LONRF3: variants seen among roughly 807,000 people sequenced by gnomAD.
The protein encoded by LONRF3 is LON peptidase N-terminal domain and ring finger 3.
In LONRF3, 19 loss-of-function variants were observed where a neutral mutation model predicts 51.7. The observed-to-expected ratio is 0.37, with a 90% CI of 0.26 to 0.54. The LOEUF (loss-of-function observed/expected upper bound fraction) is 0.54. LONRF3 is among the 20% of genes least tolerant of loss of function. The pLI, the probability that LONRF3 is intolerant of heterozygous loss-of-function variation, is 0.86. For synonymous variants in LONRF3, 265 were observed against 257.8 expected, an observed-to-expected ratio of 1.03 and a Z score of -0.27; for missense variants, 521 against 623.9, an observed-to-expected ratio of 0.84 and a Z score of 1.76.
chrX:119,002,491 A>G (rs781512405), intron 5 of LONRF3, among the ~76,000 whole-genome samples: 1 of 112,371 alleles, frequency 8.9e-6, no homozygotes, highest in African/African-American at 3.2e-5. Context: ...ATCCCATTAT[A>G]TGAATCCACC....
Position 118,989,447 on chromosome X carries a change from G to C in LONRF3, c.1099G>C (p.Ala367Pro), listed in dbSNP as rs1411943587. Residue 367 changes from alanine to proline, a missense_variant, in exon 4 of 11, where the codon GCA (alanine) becomes CCA (proline). Coordinates refer to ENST00000371628, the MANE Select transcript of LONRF3 (RefSeq NM_001031855.3). ...ELPHCSSQEE[A>P]AARGDGSSLM... The stretch of plus-strand genomic sequence containing the variant: ...CCCACATTGTTCTAGTCAGGAGGAA[G>C]CAGCAGCCAGGGGAGATGGCAGCAG... 1.7e-6 allele frequency: 2 copies of C among 1,208,925 alleles called. No homozygotes were observed. The highest frequency in any genetic ancestry group is 3.5e-5 in the African/African-American group (2 of 56,896).
intron 6 of LONRF3, among the ~76,000 whole-genome samples, chrX:119,007,368 C>T (rs1924807458): frequency 8.9e-6 from 1 of 111,899 alleles, no homozygotes; most frequent in Non-Finnish European, 1.9e-5. Flanking sequence ...TCAGGAGCCA[C>T]TGTACCTGGA....
In LONRF3 at chrX:118,982,918, A is replaced by G. The variant is rs1403102691; in HGVS notation, c.1034A>G (p.Lys345Arg). ...LYCVSLDGKN[K>R]RARCEAQRDN... ...TGTGTATCCCTTGATGGAAAGAACA[A>G]GAGAGCAAGATGTGAAGCCCAAAGA... The change falls in exon 3 of 11, where the codon AAG becomes AGG. Residue 345 changes from lysine (K) to arginine (R), a missense_variant. Physicochemically the swap from Lys to Arg is conservative, Grantham distance 26. This residue lies in a region of LONRF3 where 376 missense variants were observed against 376.7 expected (regional missense o/e 1.00). Coordinates refer to ENST00000371628, the MANE Select transcript of LONRF3 (RefSeq NM_001031855.3). 2 of 1,210,753 alleles carry G rather than the reference A, an allele frequency of 1.7e-6. No homozygotes were observed. Among genetic ancestry groups the G allele is most frequent in the Admixed American group, 2.2e-5 (1 of 45,986 alleles).
chrX:118,994,995 A>G (rs1233997754), intron 5 of LONRF3, among the ~76,000 whole-genome samples: 1 of 112,567 alleles, frequency 8.9e-6, no homozygotes, highest in Non-Finnish European at 1.9e-5. Context: ...TGGACTTAAC[A>G]GATACATACA....
At chrX:118,990,071 A>T (rs1004641938) in intron 4 of LONRF3, among the ~76,000 whole-genome samples, 2 of 111,760 alleles carry the variant, frequency 1.8e-5, no homozygotes, top group Non-Finnish European at 3.8e-5. Context: ...GTGTTCCCAT[A>T]GGTAGGCATG....
At chrX:118,993,741 T>C (rs1266847689) in intron 5 of LONRF3, among the ~76,000 whole-genome samples, 1 of 111,496 alleles carries the variant, frequency 9.0e-6, no homozygotes, top group Admixed American at 9.5e-5. Context: ...TTATCCAAAG[T>C]TAAGATGAAG....
intron 5 of LONRF3, among the ~76,000 whole-genome samples, chrX:118,997,408 T>G (rs1035903844): frequency 1.8e-5 from 2 of 112,223 alleles, no homozygotes; most frequent in African/African-American, 6.5e-5. Flanking sequence ...CTGGGATAAT[T>G]GGCTAGCCAC....
chrX:119,009,375 G>A (rs1023777993), intron 7 of LONRF3, 128 bp downstream of exon 7: 4 of 659,953 alleles, frequency 6.1e-6, no homozygotes, highest in Non-Finnish European at 8.8e-6. Context: ...TATGGTGAGA[G>A]TATTTACACC....
chrX:118,991,621 A>C, intron 5 of LONRF3, among the ~76,000 whole-genome samples: 1 of 112,049 alleles, frequency 8.9e-6, no homozygotes, highest in African/African-American at 3.2e-5. Context: ...ATTTTTTAAA[A>C]TTGCTTACAT....
In LONRF3 at chrX:118,975,080, G is replaced by T; in HGVS notation, c.300G>T (p.Val100=). The change falls in exon 1 of 11, where the codon GTG becomes GTT. Residue 100 remains valine, a synonymous_variant. Coordinates refer to ENST00000371628, the MANE Select transcript of LONRF3 (RefSeq NM_001031855.3). ...AGCTCTCCGAGCGGCAGCAGCTGGTGGCTGAGCAGCTGGAGCAGCTGGTGC... is the reference window on the plus strand; with the variant it reads ...AGCTCTCCGAGCGGCAGCAGCTGGTTGCTGAGCAGCTGGAGCAGCTGGTGC... The part of the protein sequence containing the change: ...YRQLSERQQL[V]AEQLEQLVRC... 1 of 1,174,347 alleles carries T rather than the reference G, an allele frequency of 8.5e-7. No homozygotes were observed. The highest frequency in any genetic ancestry group is 1.1e-6 in the Non-Finnish European group (1 of 877,166).
chrX:119,003,382 A>C (rs752786147), intron 5 of LONRF3, among the ~76,000 whole-genome samples: 49 of 111,476 alleles, frequency 4.4e-4, no homozygotes, highest in South Asian at 7.6e-4. Flanking sequence ...TTTACAGCCC[A>C]CATGGAATTG....
At chrX:118,982,579 G>T (rs946625098) in intron 2 of LONRF3, among the ~76,000 whole-genome samples, 2 of 111,816 alleles carry the variant, frequency 1.8e-5, no homozygotes, top group African/African-American at 6.5e-5. Context: ...GTCAGTCCCA[G>T]GTTCAAACCC....
At chrX:118,993,280 C>G (rs1222516354) in intron 5 of LONRF3, among the ~76,000 whole-genome samples, 5 of 111,298 alleles carry the variant, frequency 4.5e-5, no homozygotes, top group Non-Finnish European at 9.4e-5. Flanking sequence ...AAAACTGGCA[C>G]AAGAAGTGAA....
intron 5 of LONRF3, among the ~76,000 whole-genome samples, chrX:118,993,960 G>GA (rs1300673207): frequency 5.4e-5 from 6 of 111,999 alleles, no homozygotes. Context: ...GACATTTTCA[G>GA]ACAAACAAAT....
chrX:118,987,204 G>C lies in LONRF3; in HGVS notation c.1060-2204G>C, dbSNP rs1029890076. On this transcript the variant is annotated intron_variant, in intron 3 of 10. Coordinates refer to ENST00000371628, the MANE Select transcript of LONRF3 (RefSeq NM_001031855.3). ...AGAAAGAAGAAATTGAGTCACTAGTGGTTCTGTTCTTTGCAAAGAACCTCT... is the reference window on the plus strand; with the variant it reads ...AGAAAGAAGAAATTGAGTCACTAGTCGTTCTGTTCTTTGCAAAGAACCTCT... 3 of 506,527 alleles carry C rather than the reference G, an allele frequency of 5.9e-6. No homozygotes were observed. In the African/African-American group the frequency reaches 7.2e-5, roughly 12 times the overall value. 41.7% of individuals were successfully genotyped at this position (506,527 alleles called of 1,213,427 possible).
At chrX:118,990,183 T>A (rs1923319051) in intron 4 of LONRF3, among the ~76,000 whole-genome samples, 2 of 112,335 alleles carry the variant, frequency 1.8e-5, no homozygotes, top group Non-Finnish European at 3.8e-5. Context: ...TGAGTTGCTG[T>A]AGCTTCTGCT....
At chrX:119,014,567 AG>A (rs780758269) in intron 10 of LONRF3, among the ~76,000 whole-genome samples, 2 of 111,762 alleles carry the variant, frequency 1.8e-5, no homozygotes, top group East Asian at 5.6e-4. Context: ...GTAAAGCAGT[AG>A]GAACTTGGAT....
Position 118,974,625 on chromosome X carries a change from G to A in LONRF3, c.-156G>A, listed in dbSNP as rs1482548182. ...TGCTGAGACAAGACAGTTATTAGGC[G>A]GCGCGGGGCGGCCGGCATGGAGCTC... On this transcript the variant is annotated 5_prime_UTR_variant, in exon 1 of 11. Coordinates refer to ENST00000371628, the MANE Select transcript of LONRF3 (RefSeq NM_001031855.3). 1 of 457,766 alleles carries A rather than the reference G, an allele frequency of 2.2e-6. No homozygotes were observed. Among genetic ancestry groups the A allele is most frequent in the African/African-American group, 2.5e-5 (1 of 40,260 alleles). The allele number at this position is 457,766 out of a possible 1,213,427, so 37.7% of individuals were successfully genotyped here. A position where few individuals can be genotyped will look rare whatever the true frequency, so the allele number is the denominator to read the frequency against.
intron 1 of LONRF3, 136 bp downstream of exon 1, chrX:118,975,733 TGGGGGA>T: frequency 1.5e-4 from 7 of 45,738 alleles, no homozygotes; most frequent in Middle Eastern, 7.6e-3. Context: ...TGTGGCGGGG[TGGGGGA>T]GGGGTGATTC....
Sources: gnomAD v4.1 joint callset for allele counts (sites outside exome capture counted in the v4.1 genomes callset) on GRCh38, gnomAD v4.1.1 for gene constraint, gnomAD v4.1.1 regional missense constraint, MANE v1.5 for transcripts, NCBI Gene and HGNC (gene_info 2026-07-23, HGNC 2026-07-21) for gene names.